PDS5A: variants seen among roughly 807,000 people sequenced by gnomAD.
The protein encoded by PDS5A is PDS5 cohesin associated factor A.
In PDS5A, 42 loss-of-function variants were observed where a neutral mutation model predicts 167.1. The observed-to-expected ratio is 0.25, with a 90% confidence interval of 0.20 to 0.33. The LOEUF is 0.33. Among genes scored for constraint, PDS5A ranks in the 10% least tolerant of loss-of-function variants. PDS5A has a pLI of 1.00. For missense variants in PDS5A, 1,033 were observed against 1,605.9 expected (o/e 0.64, Z 6.10); for synonymous variants, 553 against 554.6 (o/e 1.00, Z 0.04).
chr4:39,842,202 T>C (rs1411089996), intron 30 of PDS5A, 146 bp from the exon 31 acceptor site: 15 of 585,880 alleles, frequency 2.6e-5, no homozygotes, highest in Non-Finnish European at 4.0e-5. Flanking sequence ...TCTGTAGTTA[T>C]AGACTATTGC....
At chr4:39,871,584 G>A (rs1720034310) in intron 21 of PDS5A, among the ~76,000 whole-genome samples, 3 of 152,252 alleles carry the variant, frequency 2.0e-5, no homozygotes, top group African/African-American at 4.8e-5. Flanking sequence ...TGGATAAGCT[G>A]GATTTGTGGC....
At chr4:39,956,408 G>A (rs898059599) in intron 2 of PDS5A, among the ~76,000 whole-genome samples, 1 of 150,358 alleles carries the variant, frequency 6.7e-6, no homozygotes, top group African/African-American at 2.4e-5. Flanking sequence ...TGGGAGGATC[G>A]CTTGAACCCA....
At chr4:39,928,588 C>CTT (rs974184358) in intron 2 of PDS5A, among the ~76,000 whole-genome samples, 9 of 152,178 alleles carry the variant, frequency 5.9e-5, no homozygotes, top group African/African-American at 2.2e-4. Context: ...TCATTTCATG[C>CTT]TTTAATGAGT....
At chr4:39,848,531 G>A (rs898977051) in intron 28 of PDS5A, 1 of 304,706 alleles carries the variant, frequency 3.3e-6, no homozygotes, top group African/African-American at 2.3e-5. Context: ...TCCTTACACT[G>A]TGCCAAAGAT....
intron 4 of PDS5A, 117 bp downstream of exon 4, chr4:39,926,658 C>CA (rs1205599078): frequency 5.9e-6 from 4 of 673,670 alleles, no homozygotes; most frequent in African/African-American, 1.9e-5. Flanking sequence ...ATGTAAAAGA[C>CA]ATTTTATTAT....
intron 11 of PDS5A, among the ~76,000 whole-genome samples, chr4:39,907,807 C>T (rs1006686629): frequency 3.3e-5 from 5 of 152,096 alleles, no homozygotes; most frequent in East Asian, 1.9e-4. Context: ...AGGATGGTCT[C>T]GATCTCCTGA....
chr4:39,949,301 C>A (rs865867429), intron 2 of PDS5A, among the ~76,000 whole-genome samples: 116 of 93,848 alleles, frequency 1.2e-3, no homozygotes, highest in African/African-American at 1.6e-3. Context: ...GAACCTATCT[C>A]AAAAAAAAAA....
intron 31 of PDS5A, among the ~76,000 whole-genome samples, chr4:39,840,019 A>G (rs570154773): frequency 6.1e-4 from 93 of 152,102 alleles, no homozygotes; most frequent in Admixed American, 1.8e-3. Context: ...GCTTGAACCC[A>G]GGAGGCAGAG....
chr4:39,922,016 G>C (rs982856063), intron 6 of PDS5A, among the ~76,000 whole-genome samples: 5 of 152,200 alleles, frequency 3.3e-5, no homozygotes, highest in South Asian at 2.1e-4. Context: ...TAGAAGAAAA[G>C]AGCAGGAGAG....
rs1299804996 is a variant in PDS5A at position 39,824,468 on chromosome 4, C to G, written c.*1017G>C. 1.3e-5 allele frequency: 2 copies of G among 152,324 alleles called. No individual in the cohort carries two copies. Among genetic ancestry groups the G allele is most frequent in the Admixed American group, 1.3e-4 (2 of 15,264 alleles). The allele number at this position is 152,324 out of a possible 1,614,324, so 9.4% of individuals were successfully genotyped here. On this transcript the variant is annotated 3_prime_UTR_variant, in exon 33 of 33. Transcript: ENST00000303538. ...AATAAACATAAAAATGAGCCCAGACCATCAGACAAAAGCAAAACACTTATT... is the reference window on the plus strand; with the variant it reads ...AATAAACATAAAAATGAGCCCAGACGATCAGACAAAAGCAAAACACTTATT...
chr4:39,898,828 G>A lies in PDS5A; in HGVS notation c.1582-3C>T, dbSNP rs770150650. The A allele has an allele frequency of 1.3e-6, 2 of 1,582,544 alleles. No homozygotes were observed. Among genetic ancestry groups the A allele is most frequent in the Non-Finnish European group, 1.7e-6 (2 of 1,160,242 alleles). On this transcript the variant is annotated splice_region_variant and splice_polypyrimidine_tract_variant and intron_variant, in intron 14 of 32. Transcript: ENST00000303538. ...ATGGCAGAACAGTTAGCCTCTGACT[G>A]AAATTTAAAACAGAAACAAAAGAAC... is the stretch of plus-strand genomic sequence containing the variant.
intron 16 of PDS5A, among the ~76,000 whole-genome samples, chr4:39,895,960 A>G (rs10013552): frequency 0.95 from 143,649 of 150,442 alleles, 68,600 homozygotes; most frequent in East Asian, 0.99. Flanking sequence ...TCCCGACCTC[A>G]TGATCTGCCA....
At chr4:39,945,134 CA>C (rs1334228991) in intron 2 of PDS5A, among the ~76,000 whole-genome samples, 1 of 151,996 alleles carries the variant, frequency 6.6e-6, no homozygotes, top group Non-Finnish European at 1.5e-5. Context: ...GATGAGGAAA[CA>C]GGCCAAATAA....
chr4:39,891,998 C>T (rs1446330174), intron 16 of PDS5A, among the ~76,000 whole-genome samples: 53 of 152,130 alleles, frequency 3.5e-4, no homozygotes, highest in Non-Finnish European at 7.3e-5. Flanking sequence ...GGGGTCCCAG[C>T]TACTCAGGAG....
chr4:39,947,248 G>A (rs1056876784), intron 2 of PDS5A, among the ~76,000 whole-genome samples: 9 of 152,122 alleles, frequency 5.9e-5, no homozygotes, highest in African/African-American at 2.2e-4. Flanking sequence ...GAGGTCAAGA[G>A]CTCAAGACCA....
At chr4:39,860,012 T>C (rs532024796) in intron 26 of PDS5A, among the ~76,000 whole-genome samples, 9 of 152,106 alleles carry the variant, frequency 5.9e-5, no homozygotes, top group South Asian at 2.1e-4. Flanking sequence ...GGTGGGAGGA[T>C]TGCTTGAGCC....
intron 17 of PDS5A, among the ~76,000 whole-genome samples, chr4:39,883,768 C>T (rs1721166669): frequency 6.6e-6 from 1 of 151,898 alleles, no homozygotes; most frequent in Admixed American, 6.6e-5. Flanking sequence ...ATAGCTGGGA[C>T]CACAGGCGCA....
At chr4:39,857,351 CA>C (rs1188060445) in intron 26 of PDS5A, among the ~76,000 whole-genome samples, 16,148 of 67,592 alleles carry the variant, frequency 0.24, 656 homozygotes, top group East Asian at 0.31. Flanking sequence ...GACTCCATCT[CA>C]AAAAAAAAAA....
intron 26 of PDS5A, among the ~76,000 whole-genome samples, chr4:39,851,880 T>C (rs1718151685): frequency 6.6e-6 from 1 of 152,194 alleles, no homozygotes; most frequent in African/African-American, 2.4e-5. Context: ...GTTTGATCCC[T>C]TTCCACAGAA....
Sources: allele counts gnomAD v4.1 joint callset (sites outside exome capture counted in the v4.1 genomes callset), GRCh38; gene constraint gnomAD v4.1.1; transcripts MANE v1.5; gene names NCBI Gene and HGNC (gene_info 2026-07-23, HGNC 2026-07-21).